Variants in ATG13 observed in about 807,000 individuals in gnomAD.
The protein encoded by ATG13 is autophagy related 13.
Under a neutral mutation model 65.5 loss-of-function variants are expected in ATG13, and 23 were observed. The observed-to-expected ratio is 0.35, with a 90% CI of 0.25 to 0.50. The LOEUF (loss-of-function observed/expected upper bound fraction) is 0.50. ATG13 is among the 20% of genes least tolerant of loss of function. The pLI is 0.98. For missense variants in ATG13, 566 were observed against 677.0 expected, an observed-to-expected ratio of 0.84 and a Z score of 1.82; for synonymous variants, 252 against 245.2, an observed-to-expected ratio of 1.03 and a Z score of -0.26.
At chr11:46,636,311 A>C (rs1406079783) in intron 2 of ATG13, among the ~76,000 whole-genome samples, 1 of 152,094 alleles carries the variant, frequency 6.6e-6, no homozygotes, top group Non-Finnish European at 1.5e-5. Flanking sequence ...TAATCCCAGC[A>C]CTTTGGGAGG....
rs147374762 is a variant in ATG13, at chr11:46,646,310, G to A, written c.270+321G>A. Among the ~76,000 whole-genome samples, 758 of 151,930 alleles carry A rather than the reference G, an allele frequency of 5.0e-3. 3 individuals are homozygous for A. The highest frequency in any genetic ancestry group is 0.018 in the African/African-American group (725 of 41,410). Reference sequence around the variant, plus strand: ...ATTACAGGTACATGCCACCATGCCTGGCTAATTTTTGTATTTTTAGTAGAG... The same window carrying A: ...ATTACAGGTACATGCCACCATGCCTAGCTAATTTTTGTATTTTTAGTAGAG... On this transcript the variant is annotated intron_variant, in intron 5 of 18. Coordinates refer to ENST00000683050, the MANE Select transcript of ATG13 (RefSeq NM_001346311.2).
intron 2 of ATG13, among the ~76,000 whole-genome samples, chr11:46,638,911 C>T (rs975017521): frequency 5.9e-5 from 9 of 151,872 alleles, no homozygotes. Context: ...AGGTGCAAGC[C>T]ATTCTCCCAC....
At chr11:46,654,919 C>T (rs2059709500) in intron 7 of ATG13, among the ~76,000 whole-genome samples, 1 of 150,434 alleles carries the variant, frequency 6.6e-6, no homozygotes, top group Admixed American at 6.6e-5. Flanking sequence ...GGCAATGTGG[C>T]GAAACCCTGT....
intron 6 of ATG13, among the ~76,000 whole-genome samples, 171 bp from the exon 7 acceptor site, chr11:46,650,006 G>T (rs2058577273): frequency 1.3e-5 from 2 of 152,146 alleles, no homozygotes; most frequent in Admixed American, 6.5e-5. Context: ...GTGCTCATTT[G>T]CCTGTGTCTA....
At chr11:46,645,731 C>A in intron 4 of ATG13, 139 bp from the exon 5 acceptor site, 2 of 1,240,004 alleles carry the variant, frequency 1.6e-6, no homozygotes, top group Non-Finnish European at 2.2e-6. Context: ...CAGGATTATC[C>A]CTTATGGGGA....
chr11:46,670,049 C>T (rs909415194), intron 18 of ATG13, among the ~76,000 whole-genome samples: 1 of 152,164 alleles, frequency 6.6e-6, no homozygotes, highest in Non-Finnish European at 1.5e-5. Context: ...GAAGAGTGCC[C>T]CGCACAAGCC....
At chr11:46,628,725 A>T (rs1360834522) in intron 1 of ATG13, among the ~76,000 whole-genome samples, 1 of 152,164 alleles carries the variant, frequency 6.6e-6, no homozygotes, top group Non-Finnish European at 1.5e-5. Context: ...CTACACAGCA[A>T]CCTGAGCAAT....
chr11:46,636,043 T>C (rs985410195), intron 2 of ATG13, among the ~76,000 whole-genome samples: 1 of 152,168 alleles, frequency 6.6e-6, no homozygotes, highest in African/African-American at 2.4e-5. Flanking sequence ...AAATTAGGAA[T>C]GTCTGAAGTG....
Position 46,639,189 on chromosome 11 carries a change from T to C in ATG13, c.-13-5090T>C, listed in dbSNP as rs7947796. The stretch of plus-strand genomic sequence containing the variant: ...TTTTAGTAGAGACAGGGTTTTACTA[T>C]GTTGGCTGGGCTGGTCTCGAACTCC... On this transcript the variant is annotated intron_variant, in intron 2 of 18. Coordinates refer to ENST00000683050, the MANE Select transcript of ATG13 (RefSeq NM_001346311.2). Among the ~76,000 whole-genome samples the C allele has an allele frequency of 4.2e-3, 647 of 152,250 alleles. 4 individuals are homozygous for C. Among genetic ancestry groups the C allele is most frequent in the African/African-American group, 0.013 (537 of 41,554 alleles).
chr11:46,668,529 G>A lies in ATG13; in HGVS notation c.1282G>A (p.Ala428Thr), dbSNP rs1565625870. 1.2e-6 allele frequency: 2 copies of A among 1,614,176 alleles called. No individual in the cohort carries two copies. The highest frequency in any genetic ancestry group is 1.7e-6 in the Non-Finnish European group (2 of 1,180,028). The change falls in exon 16 of 19, where the codon GCC (alanine) becomes ACC (threonine). Residue 428 changes from alanine (A) to threonine (T), a missense_variant. By Grantham distance (58) the Ala-to-Thr change is moderately conservative (BLOSUM62 0). This residue lies in a region of ATG13 where 387 missense variants were observed against 409.8 expected (regional missense o/e 0.94). Transcript: ENST00000683050. ...CCTGACGAGTTTGGATATACCCTTT[G>A]CCATGTTTGCTCCCAAGAATTTGGA... ...VTLTSLDIPF[A>T]MFAPKNLELE...
At chr11:46,649,054 C>A in intron 5 of ATG13, 83 bp from the exon 6 acceptor site, 3 of 1,197,336 alleles carry the variant, frequency 2.5e-6, no homozygotes, top group Non-Finnish European at 3.5e-6. Flanking sequence ...CTTATCTATA[C>A]CTTTTAATAT....
chr11:46,647,077 A>G (rs748236429), intron 5 of ATG13, among the ~76,000 whole-genome samples: 6 of 152,074 alleles, frequency 3.9e-5, no homozygotes, highest in Non-Finnish European at 8.8e-5. Flanking sequence ...ACCACTTGGT[A>G]TAGGGTCTTT....
At chr11:46,631,060 TTTC>T (rs1308383540) in intron 2 of ATG13, 4 of 152,160 alleles carry the variant, frequency 2.6e-5, no homozygotes, top group Non-Finnish European at 5.9e-5. Flanking sequence ...TGATTTGTTA[TTTC>T]TTCTTCTATC....
chr11:46,663,940 C>CT (rs1250376622), intron 11 of ATG13, 57 bp from the exon 12 acceptor site: 17 of 1,158,568 alleles, frequency 1.5e-5, no homozygotes, highest in South Asian at 2.9e-5. Flanking sequence ...TCTCAAGTCC[C>CT]TTTTCTTTTT....
At chr11:46,649,099 T>A (rs759567335) in intron 5 of ATG13, 38 bp from the exon 6 acceptor site, 9 of 1,583,692 alleles carry the variant, frequency 5.7e-6, no homozygotes, top group Admixed American at 1.7e-5. Flanking sequence ...AAATTAAAAA[T>A]TTTTTAAACA....
At chr11:46,655,447 T>G (rs1446055445) in intron 7 of ATG13, among the ~76,000 whole-genome samples, 1 of 150,554 alleles carries the variant, frequency 6.6e-6, no homozygotes, top group Non-Finnish European at 1.5e-5. Context: ...GTGGCATGCG[T>G]CTGTAATCCC....
chr11:46,663,255 G>T (rs1470790641), intron 11 of ATG13, among the ~76,000 whole-genome samples: 1 of 86,636 alleles, frequency 1.2e-5, no homozygotes, highest in East Asian at 3.8e-4. Context: ...GACAGAGTGA[G>T]ACTCCATCTC....
chr11:46,641,385 A>G (rs1345231243), intron 2 of ATG13, among the ~76,000 whole-genome samples: 1 of 152,146 alleles, frequency 6.6e-6, no homozygotes. Flanking sequence ...TTTATTTTTA[A>G]TATTACGTTA....
chr11:46,657,239 A>G, intron 9 of ATG13, 48 bp downstream of exon 9: 1 of 1,530,368 alleles, frequency 6.5e-7, no homozygotes, highest in Non-Finnish European at 9.0e-7. Flanking sequence ...AAAATGTTAA[A>G]GTTTTTTTTC....
Sources: gnomAD v4.1 joint callset for allele counts (sites outside exome capture counted in the v4.1 genomes callset) on GRCh38, gnomAD v4.1.1 for gene constraint, gnomAD v4.1.1 regional missense constraint, MANE v1.5 for transcripts, NCBI Gene and HGNC (gene_info 2026-07-23, HGNC 2026-07-21) for gene names.